Variants in SCRN1 observed in about 807,000 individuals in gnomAD.
SCRN1 encodes the protein secernin 1.
SCRN1 carries 19 observed loss-of-function variants against 43.3 expected under a neutral mutation model. The observed-to-expected ratio is 0.44, with a 90% confidence interval of 0.31 to 0.64. The LOEUF (loss-of-function observed/expected upper bound fraction) is 0.64, where lower values mean the gene tolerates loss of function less well. Among genes scored for constraint, SCRN1 ranks in the 30% least tolerant of loss-of-function variants. The pLI, the probability that SCRN1 is intolerant of heterozygous loss-of-function variation, is 0.09. For missense variants in SCRN1, 447 were observed against 524.1 expected, an observed-to-expected ratio of 0.85 and a Z score of 1.44; for synonymous variants, 183 against 188.9, an observed-to-expected ratio of 0.97 and a Z score of 0.26.
intron 1 of SCRN1, among the ~76,000 whole-genome samples, chr7:29,984,583 T>G (rs1486199107): frequency 1.7e-4 from 26 of 151,904 alleles, no homozygotes. Flanking sequence ...AGAACAATTA[T>G]AAATAGCCAA....
chr7:29,929,775 T>C (rs1408826925), intron 6 of SCRN1, among the ~76,000 whole-genome samples: 1 of 152,260 alleles, frequency 6.6e-6, no homozygotes, highest in Non-Finnish European at 1.5e-5. Flanking sequence ...ATTTCTGTCA[T>C]GAAGCTTGTA....
intron 1 of SCRN1, 24 bp from the exon 2 acceptor site, chr7:29,969,092 G>A: frequency 1.9e-6 from 3 of 1,604,412 alleles, no homozygotes; most frequent in Non-Finnish European, 2.6e-6. Context: ...GCCAGCAAGA[G>A]TGGAAGCAGG....
chr7:29,984,790 A>G (rs55787726), intron 1 of SCRN1, among the ~76,000 whole-genome samples: 3,848 of 122,802 alleles, frequency 0.031, 125 homozygotes, highest in Middle Eastern at 0.052. Context: ...GCGTGGTGGC[A>G]GACGCCTGTA....
At chr7:29,952,853 G>A (rs1346208592) in intron 3 of SCRN1, among the ~76,000 whole-genome samples, 1 of 152,176 alleles carries the variant, frequency 6.6e-6, no homozygotes, top group African/African-American at 2.4e-5. Flanking sequence ...AGATGCCTGT[G>A]ACTCCATCCC....
chr7:29,936,812 C>CCATG, intron 5 of SCRN1, 91 bp from the exon 6 acceptor site: 3 of 1,039,848 alleles, frequency 2.9e-6, no homozygotes, highest in Non-Finnish European at 2.6e-6. Context: ...TTTGGGAGGC[C>CCATG]GAGGCGGGCG....
At chr7:29,962,338 A>T (rs1161761064) in intron 2 of SCRN1, among the ~76,000 whole-genome samples, 1 of 150,032 alleles carries the variant, frequency 6.7e-6, no homozygotes, top group Admixed American at 6.6e-5. Context: ...ATTTCCTGGG[A>T]CCTCAACACT....
At chr7:29,955,598 T>C (rs1055383989) in intron 2 of SCRN1, among the ~76,000 whole-genome samples, 1 of 152,252 alleles carries the variant, frequency 6.6e-6, no homozygotes, top group Admixed American at 6.5e-5. Context: ...GGCAATCATC[T>C]TGAACCAGGT....
chr7:29,940,827 A>G lies in SCRN1; in HGVS notation c.594T>C (p.Asp198=), dbSNP rs1469688396. ...CSQLSLTTKM[D]AEHPELRSYA... is the part of the protein sequence containing the mutation. ...AACTCCTGAGTTCCGGATGCTCTGC[A>G]TCCATCTTAGTGGTGAGCGAAAGCT... Residue 198 remains aspartate, a synonymous_variant, in exon 5 of 8, where the codon GAT becomes GAC. Coordinates refer to ENST00000242059, the MANE Select transcript of SCRN1 (RefSeq NM_014766.5). 6.2e-6 allele frequency: 10 copies of G among 1,600,426 alleles called. No homozygotes were observed. The highest frequency in any genetic ancestry group is 8.5e-6 in the Non-Finnish European group (10 of 1,176,206).
chr7:29,983,307 TG>T (rs1399791775), intron 1 of SCRN1, among the ~76,000 whole-genome samples: 1 of 42,318 alleles, frequency 2.4e-5, no homozygotes, highest in Non-Finnish European at 4.3e-5. Flanking sequence ...TGTGGTGGGG[TG>T]GGGGGAGGGG....
chr7:29,984,001 T>C (rs748551774), intron 1 of SCRN1, among the ~76,000 whole-genome samples: 1 of 151,294 alleles, frequency 6.6e-6, no homozygotes, highest in Non-Finnish European at 1.5e-5. Context: ...AGGCCACGAG[T>C]TCAAAAGTAG....
intron 1 of SCRN1, among the ~76,000 whole-genome samples, chr7:29,973,573 G>A (rs1788725800): frequency 6.6e-6 from 1 of 152,160 alleles, no homozygotes. Flanking sequence ...GGTATATGAT[G>A]GGCAGGTCCA....
At chr7:29,941,825 C>T (rs897201547) in intron 4 of SCRN1, among the ~76,000 whole-genome samples, 4 of 152,188 alleles carry the variant, frequency 2.6e-5, no homozygotes, top group Admixed American at 2.6e-4. Context: ...GTCTAGGGCA[C>T]AAACACTAGG....
At chr7:29,932,368 G>A (rs949981764) in intron 6 of SCRN1, among the ~76,000 whole-genome samples, 6 of 152,066 alleles carry the variant, frequency 3.9e-5, no homozygotes, top group African/African-American at 1.2e-4. Flanking sequence ...TCTTGCCCAA[G>A]CCAATTTAAC....
At chr7:29,959,823 C>T (rs1412018243) in intron 2 of SCRN1, among the ~76,000 whole-genome samples, 3 of 151,878 alleles carry the variant, frequency 2.0e-5, no homozygotes, top group Non-Finnish European at 2.9e-5. Context: ...TGGAAGGAAG[C>T]CCTCTGCTAA....
chr7:29,953,671 A>G (rs1052237694), intron 3 of SCRN1, among the ~76,000 whole-genome samples: 15 of 152,150 alleles, frequency 9.9e-5, no homozygotes, highest in Non-Finnish European at 2.1e-4. Flanking sequence ...TCCTGAGTTT[A>G]TAAGAATGAG....
intron 1 of SCRN1, 33 bp from the exon 2 acceptor site, chr7:29,969,101 G>A: frequency 6.3e-7 from 1 of 1,598,390 alleles, no homozygotes; most frequent in Non-Finnish European, 8.5e-7. Context: ...AGTGGAAGCA[G>A]GCCTCACATG....
chr7:29,990,216 T>A (rs1444597506), upstream of SCRN1: 12 of 1,551,356 alleles, frequency 7.7e-6, no homozygotes, highest in Non-Finnish European at 8.7e-6. Context: ...GAGTCCCTGG[T>A]TTTAAAAGTG....
chr7:29,950,088 C>A lies in SCRN1; in HGVS notation c.341+5091G>T, dbSNP rs965516574. 2.6e-5 allele frequency among the ~76,000 whole-genome samples: 4 copies of A among 152,198 alleles called. No homozygotes were observed. Among genetic ancestry groups the A allele is most frequent in the African/African-American group, 9.7e-5 (4 of 41,448 alleles). On this transcript the variant is annotated intron_variant, in intron 3 of 7. Coordinates refer to ENST00000242059, the MANE Select transcript of SCRN1 (RefSeq NM_014766.5). This position sits in a 1 kb window ranked among gnomAD's most constrained non-coding sequence, Gnocchi z 4.5. ...AGGGTGGGAGCCCCATGCTCCCAGG[C>A]ACAGCTGCAGCTGCTCTGGACCTGG...
At chr7:29,924,353 G>C (rs566488972) in intron 7 of SCRN1, among the ~76,000 whole-genome samples, 20 of 152,300 alleles carry the variant, frequency 1.3e-4, no homozygotes, top group African/African-American at 4.1e-4. Context: ...CCAGACCCCA[G>C]AGTGACACTG....
Sources: allele counts gnomAD v4.1 joint callset (sites outside exome capture counted in the v4.1 genomes callset), GRCh38; gene constraint gnomAD v4.1.1; non-coding constraint Gnocchi (gnomAD v3.1); transcripts MANE v1.5; gene names NCBI Gene and HGNC (gene_info 2026-07-23, HGNC 2026-07-21).